PRKG2: variants seen among roughly 807,000 people sequenced by gnomAD.
The protein encoded by PRKG2 is protein kinase cGMP-dependent 2.
In PRKG2, 33 loss-of-function variants were observed where a neutral mutation model predicts 97.2. The ratio of observed to expected loss-of-function variants is 0.34; its 90% confidence interval spans 0.26 to 0.45. The LOEUF (loss-of-function observed/expected upper bound fraction) is 0.45. Ranked by LOEUF, PRKG2 falls within the 20% of genes least tolerant of loss-of-function variation. The pLI is 1.00. For missense variants in PRKG2, 638 were observed against 900.0 expected (o/e 0.71, Z 3.73); for synonymous variants, 330 against 321.8 (o/e 1.03, Z -0.27).
chr4:81,202,407 A>C (rs1287442587), intron 2 of PRKG2, among the ~76,000 whole-genome samples: 1 of 152,216 alleles, frequency 6.6e-6, no homozygotes, highest in Non-Finnish European at 1.5e-5. Context: ...ACTGAGGTAC[A>C]AACCAGTCAA....
At chr4:81,201,385 C>A (rs1311004762) in intron 2 of PRKG2, among the ~76,000 whole-genome samples, 2 of 152,154 alleles carry the variant, frequency 1.3e-5, no homozygotes, top group African/African-American at 4.8e-5. Flanking sequence ...CTGGACAGCA[C>A]TGAATCTAGA....
At chr4:81,190,223 A>C (rs1752360712) in intron 2 of PRKG2, among the ~76,000 whole-genome samples, 1 of 152,220 alleles carries the variant, frequency 6.6e-6, no homozygotes, top group Non-Finnish European at 1.5e-5. Context: ...CTGGTACCAA[A>C]ACAGATATGT....
intron 2 of PRKG2, among the ~76,000 whole-genome samples, chr4:81,195,189 A>G (rs932234712): frequency 6.6e-6 from 1 of 152,156 alleles, no homozygotes; most frequent in Non-Finnish European, 1.5e-5. Flanking sequence ...ATTAACAAGT[A>G]TTGATTAACA....
chr4:81,092,503 A>AGGAAGGAC, intron 17 of PRKG2, 51 bp from the exon 18 acceptor site: 2 of 1,093,020 alleles, frequency 1.8e-6, no homozygotes. Flanking sequence ...GAAGGAAGGA[A>AGGAAGGAC]GGAAGGAAGG....
At chr4:81,105,048 T>C (rs572933354) in intron 16 of PRKG2, among the ~76,000 whole-genome samples, 2 of 152,268 alleles carry the variant, frequency 1.3e-5, no homozygotes, top group East Asian at 3.9e-4. Context: ...TCACGACTAA[T>C]TTTCTTTCAA....
At chr4:81,098,035 A>T (rs1742303500) in intron 17 of PRKG2, among the ~76,000 whole-genome samples, 1 of 152,144 alleles carries the variant, frequency 6.6e-6, no homozygotes, top group South Asian at 2.1e-4. Context: ...TGTGTTTGTG[A>T]AGGTGTTGCC....
chr4:81,141,141 G>A (rs1578409200), intron 11 of PRKG2, among the ~76,000 whole-genome samples: 1 of 152,138 alleles, frequency 6.6e-6, no homozygotes, highest in East Asian at 1.9e-4. Context: ...TTCCTGAGTA[G>A]CTGGGACTAC....
chr4:81,151,962 G>C lies in PRKG2; in HGVS notation c.1083C>G (p.Ile361Met). Residue 361 changes from isoleucine to methionine, a missense_variant and splice_region_variant, in exon 8 of 19, where the codon ATC (isoleucine) becomes ATG (methionine). Transcript: ENST00000264399. Reference sequence around the variant, plus strand: ...TGGCATATAATTCATGAATTCACCTGATAAGAGCTTTTTCTCCAAAGTATT... The same window carrying C: ...TGGCATATAATTCATGAATTCACCTCATAAGAGCTTTTTCTCCAAAGTATT... ...KGEYFGEKALISDDVRSANII... is the reference protein window; with the variant it reads ...KGEYFGEKALMSDDVRSANII... 3 of 1,603,700 alleles carry C rather than the reference G, an allele frequency of 1.9e-6. No homozygotes were observed. The highest frequency in any genetic ancestry group is 2.6e-6 in the Non-Finnish European group (3 of 1,172,042).
chr4:81,152,214 T>C (rs1261472105), intron 7 of PRKG2, among the ~76,000 whole-genome samples, 160 bp from the exon 8 acceptor site: 2 of 152,196 alleles, frequency 1.3e-5, no homozygotes, highest in Non-Finnish European at 2.9e-5. Context: ...ATTACCTACA[T>C]TCAGCCCATT....
chr4:81,141,939 C>A (rs1389816930), intron 11 of PRKG2, among the ~76,000 whole-genome samples: 2 of 152,166 alleles, frequency 1.3e-5, no homozygotes, highest in African/African-American at 4.8e-5. Flanking sequence ...GACAGCATTT[C>A]AAATCTGCTC....
chr4:81,101,997 T>A (rs1282271647), intron 17 of PRKG2, among the ~76,000 whole-genome samples: 1 of 152,078 alleles, frequency 6.6e-6, no homozygotes, highest in Non-Finnish European at 1.5e-5. Context: ...CTTTATAGCT[T>A]AAAAAGCACT....
At position 81,135,191 on chromosome 4, in the gene PRKG2, T is replaced by G. The variant is rs758512568; in HGVS notation, c.1740A>C (p.Glu580Asp). 1 of 1,610,856 alleles carries G rather than the reference T, an allele frequency of 6.2e-7. No homozygotes were observed. Among genetic ancestry groups the G allele is most frequent in the African/African-American group, 1.3e-5 (1 of 74,936 alleles). ...LGIIYRDLKP[E>D]NLILDAEGYL... ...AACCCTCAGCATCTAGAATTAAGTT[T>G]TCTGGTTTCAAGTCTCTGTAGATAA... The change falls in exon 14 of 19, where the codon GAA (glutamate) becomes GAC (aspartate). Residue 580 changes from glutamate to aspartate, a missense_variant. Physicochemically the swap from Glu to Asp is conservative, Grantham distance 45 (BLOSUM62 2). Transcript: ENST00000264399.
At chr4:81,189,086 A>AAAAAAAAAAAAAAAAAAAAAT in intron 2 of PRKG2, among the ~76,000 whole-genome samples, 1 of 114,976 alleles carries the variant, frequency 8.7e-6, no homozygotes, top group Non-Finnish European at 1.6e-5. Context: ...AAAAAAAAAA[A>AAAAAAAAAAAAAAAAAAAAAT]AAAAAAGAAG....
intron 8 of PRKG2, among the ~76,000 whole-genome samples, chr4:81,151,082 G>A (rs1487021468): frequency 6.6e-6 from 1 of 151,916 alleles, no homozygotes; most frequent in East Asian, 1.9e-4. Flanking sequence ...CTGTACTTAT[G>A]TAAACCTGAT....
chr4:81,217,372 G>A (rs1161401382), upstream of PRKG2, among the ~76,000 whole-genome samples: 3 of 152,122 alleles, frequency 2.0e-5, no homozygotes. Flanking sequence ...ATGCAGTGCA[G>A]GCTGTTGCCC....
At chr4:81,132,970 T>C (rs1746322001) in intron 14 of PRKG2, among the ~76,000 whole-genome samples, 1 of 152,150 alleles carries the variant, frequency 6.6e-6, no homozygotes, top group Admixed American at 6.6e-5. Context: ...TGGTAGCTTT[T>C]TTCCTCATAC....
At position 81,128,906 on chromosome 4, in the gene PRKG2, A is replaced by G. The variant is rs190632919; in HGVS notation, c.1776+6249T>C. Among the ~76,000 whole-genome samples the G allele has an allele frequency of 2.7e-3, 409 of 152,020 alleles. 4 individuals carry two copies. Among genetic ancestry groups the G allele is most frequent in the South Asian group, 0.025 (118 of 4,816 alleles). Reference sequence around the variant, plus strand: ...TGCTCTTGCTTCTCTAGTTCTTTTAATTGTGATGTTAGGGTGTTGATTTTA... The same window carrying G: ...TGCTCTTGCTTCTCTAGTTCTTTTAGTTGTGATGTTAGGGTGTTGATTTTA... On this transcript the variant is annotated intron_variant, in intron 14 of 18. Coordinates refer to ENST00000264399, the MANE Select transcript of PRKG2 (RefSeq NM_006259.3).
At chr4:81,189,669 A>G (rs981339498) in intron 2 of PRKG2, among the ~76,000 whole-genome samples, 1 of 151,566 alleles carries the variant, frequency 6.6e-6, no homozygotes, top group Non-Finnish European at 1.5e-5. Flanking sequence ...CTAAATGACG[A>G]GTTAATGGGT....
intron 6 of PRKG2, among the ~76,000 whole-genome samples, chr4:81,158,745 C>T (rs746984349): frequency 4.1e-4 from 63 of 152,128 alleles, no homozygotes; most frequent in Non-Finnish European, 7.8e-4. Context: ...GGTACCAAAA[C>T]AGAGATATAG....
Sources: gnomAD v4.1 joint callset for allele counts (sites outside exome capture counted in the v4.1 genomes callset) on GRCh38, gnomAD v4.1.1 for gene constraint, MANE v1.5 for transcripts, NCBI Gene and HGNC (gene_info 2026-07-23, HGNC 2026-07-21) for gene names.